BARX2: variants seen among roughly 807,000 people sequenced by gnomAD.
The protein encoded by BARX2 is homeobox protein BarH-like 2.
Under a neutral mutation model 25.5 loss-of-function variants are expected in BARX2, and 11 were observed. That is an observed-to-expected ratio of 0.43 (90% CI 0.27 to 0.71). The LOEUF (loss-of-function observed/expected upper bound fraction) is 0.71, where lower values mean the gene tolerates loss of function less well. Among genes scored for constraint, BARX2 ranks in the 30% least tolerant of loss-of-function variants. The probability of loss-of-function intolerance (pLI) is 0.19; values close to 1 mark genes in which losing one functional copy is unlikely to be tolerated. For synonymous variants in BARX2, 137 were observed against 149.5 expected (o/e 0.92, Z 0.61); for missense variants, 360 against 359.9 (o/e 1.00, Z 0.00).
At chr11:129,426,394 A>G (rs1862063303) in intron 1 of BARX2, among the ~76,000 whole-genome samples, 2 of 150,016 alleles carry the variant, frequency 1.3e-5, no homozygotes, top group Middle Eastern at 3.5e-3. Flanking sequence ...TTTTTTTGAG[A>G]CAGAGTCTCA....
intron 1 of BARX2, among the ~76,000 whole-genome samples, chr11:129,431,454 C>A (rs61554999): frequency 0.12 from 18,311 of 152,176 alleles, 1,219 homozygotes; most frequent in Middle Eastern, 0.17. Flanking sequence ...CTCACCAGCA[C>A]TTGATATTGT....
At chr11:129,445,266 C>T (rs1862311784) in intron 3 of BARX2, among the ~76,000 whole-genome samples, 1 of 152,230 alleles carries the variant, frequency 6.6e-6, no homozygotes, top group Non-Finnish European at 1.5e-5. Context: ...CCACCTTCTT[C>T]CTCGTCAGTC....
At chr11:129,404,357 T>C (rs936310394) in intron 1 of BARX2, among the ~76,000 whole-genome samples, 1 of 152,218 alleles carries the variant, frequency 6.6e-6, no homozygotes, top group African/African-American at 2.4e-5. Context: ...TCAGTATCAC[T>C]CCATGTGACA....
intron 3 of BARX2, among the ~76,000 whole-genome samples, chr11:129,449,914 G>GA (rs1413208996): frequency 6.6e-6 from 1 of 152,194 alleles, no homozygotes. Context: ...AGACCTGGGG[G>GA]ATGAGGAAGG....
chr11:129,450,066 GTAT>G (rs1862378026), intron 3 of BARX2, among the ~76,000 whole-genome samples: 2 of 152,094 alleles, frequency 1.3e-5, no homozygotes, highest in African/African-American at 2.4e-5. Context: ...GTAATACAAG[GTAT>G]TATTATTCCC....
At chr11:129,424,215 T>A (rs1424473500) in intron 1 of BARX2, among the ~76,000 whole-genome samples, 1 of 152,232 alleles carries the variant, frequency 6.6e-6, no homozygotes, top group African/African-American at 2.4e-5. Context: ...CAACTTTGGT[T>A]TTGAGTGAAT....
chr11:129,443,540 C>T (rs76127897), intron 3 of BARX2, among the ~76,000 whole-genome samples: 3,201 of 152,266 alleles, frequency 0.021, 34 homozygotes, highest in Middle Eastern at 0.041. Context: ...ATTCTGGTCC[C>T]AGAGGTCTGG....
intron 1 of BARX2, among the ~76,000 whole-genome samples, chr11:129,401,820 G>A (rs1415903964): frequency 1.3e-5 from 2 of 152,118 alleles, no homozygotes; most frequent in Non-Finnish European, 2.9e-5. Context: ...GCCAGGTGTG[G>A]TGGCAGACAC....
intron 1 of BARX2, among the ~76,000 whole-genome samples, chr11:129,388,500 A>G (rs1387001027): frequency 2.6e-5 from 4 of 152,214 alleles, no homozygotes; most frequent in Non-Finnish European, 5.9e-5. Context: ...ATTCCTACTC[A>G]TTCATTCATT....
At chr11:129,442,707 C>T (rs543178218) in intron 2 of BARX2, 128 bp from the exon 3 acceptor site, 12 of 823,534 alleles carry the variant, frequency 1.5e-5, no homozygotes, top group East Asian at 7.5e-5. Context: ...GGGAAGACCT[C>T]GTTTAATGGG....
At position 129,375,984 on chromosome 11, in the gene BARX2, G is replaced by C; in HGVS notation, c.-52G>C. 8.7e-7 allele frequency: 1 copy of C among 1,147,994 alleles called. No individual in the cohort carries two copies. The highest frequency in any genetic ancestry group is 1.1e-6 in the Non-Finnish European group (1 of 931,216). 71.1% of individuals were successfully genotyped at this position (1,147,994 alleles called of 1,614,324 possible). ...CGCGCCAGCCCCGCGGCCCCAGCGG[G>C]CCGGGCACTCGCAGCCGCGCTCGGG... On this transcript the variant is annotated 5_prime_UTR_variant, in exon 1 of 4. Coordinates refer to ENST00000281437, the MANE Select transcript of BARX2 (RefSeq NM_003658.5). The surrounding 1 kb of genome is among the most constrained non-coding windows in gnomAD (Gnocchi z 4.0).
At chr11:129,381,260 A>G (rs1591424668) in intron 1 of BARX2, among the ~76,000 whole-genome samples, 1 of 152,314 alleles carries the variant, frequency 6.6e-6, no homozygotes, top group South Asian at 2.1e-4. Context: ...TTGCTTGGTG[A>G]TGGCATTGTC....
At chr11:129,380,812 G>GTTTTTTT (rs5795668) in intron 1 of BARX2, among the ~76,000 whole-genome samples, 1 of 146,896 alleles carries the variant, frequency 6.8e-6, no homozygotes, top group Non-Finnish European at 1.5e-5. Context: ...TTAGGAGTCA[G>GTTTTTTT]TTTTTTTTTT....
intron 1 of BARX2, among the ~76,000 whole-genome samples, chr11:129,431,984 ATTTATTTTTATT>A (rs145068949): frequency 6.6e-6 from 1 of 150,510 alleles, no homozygotes; most frequent in Non-Finnish European, 1.5e-5. Flanking sequence ...TTATTATTTT[ATTTATTTTTATT>A]TTTATTTTTA....
At chr11:129,428,937 A>G (rs534529387) in intron 1 of BARX2, among the ~76,000 whole-genome samples, 1 of 152,148 alleles carries the variant, frequency 6.6e-6, no homozygotes, top group African/African-American at 2.4e-5. Flanking sequence ...CGTTGGGTCA[A>G]GATTGCTGAA....
chr11:129,419,113 T>C (rs1565516707), intron 1 of BARX2, among the ~76,000 whole-genome samples: 1 of 152,156 alleles, frequency 6.6e-6, no homozygotes, highest in East Asian at 1.9e-4. Flanking sequence ...CGCCCTGTGT[T>C]GGGGGGTGTC....
chr11:129,395,207 A>T (rs1340522588), intron 1 of BARX2, among the ~76,000 whole-genome samples: 1 of 152,178 alleles, frequency 6.6e-6, no homozygotes, highest in African/African-American at 2.4e-5. Flanking sequence ...TTTGATTTTT[A>T]AAATGCTTTT....
At chr11:129,402,505 T>C (rs1861787541) in intron 1 of BARX2, among the ~76,000 whole-genome samples, 1 of 152,172 alleles carries the variant, frequency 6.6e-6, no homozygotes, top group Non-Finnish European at 1.5e-5. Context: ...CCGTTTAATA[T>C]TCAAATGTCA....
chr11:129,451,085 G>A lies in BARX2; in HGVS notation c.574-51G>A, dbSNP rs141981391. 9.8e-5 allele frequency: 156 copies of A among 1,587,390 alleles called. No homozygotes were observed. The East Asian group carries it at 3.3e-3, about 34-fold the overall frequency. ...GAGGTTATACTGGGAGTGGAAAGGT[G>A]GAGGGAAGGAATTATTTCTTAGATT... On this transcript the variant is annotated intron_variant, in intron 3 of 3. Transcript: ENST00000281437.
Sources: gnomAD v4.1 joint callset for allele counts (sites outside exome capture counted in the v4.1 genomes callset) on GRCh38, gnomAD v4.1.1 for gene constraint, Gnocchi (gnomAD v3.1) non-coding constraint, MANE v1.5 for transcripts, NCBI Gene and HGNC (gene_info 2026-07-23, HGNC 2026-07-21) for gene names.